Variants in CDH2 observed in about 807,000 individuals in gnomAD.
CDH2 encodes cadherin 2, also known as cadherin-2.
In CDH2, 17 loss-of-function variants were observed where a neutral mutation model predicts 92.0. That is an observed-to-expected ratio of 0.18 (90% CI 0.13 to 0.28). The LOEUF is 0.28. Ranked by LOEUF, CDH2 falls within the 10% of genes least tolerant of loss-of-function variation. CDH2 has a pLI of 1.00. For missense variants in CDH2, 862 were observed against 1,133.1 expected, an observed-to-expected ratio of 0.76 and a Z score of 3.44; for synonymous variants, 419 against 415.9, an observed-to-expected ratio of 1.01 and a Z score of -0.09.
At chr18:27,937,137 C>G (rs1282168801) in intron 6 of CDH2, among the ~76,000 whole-genome samples, 6 of 152,074 alleles carry the variant, frequency 3.9e-5, no homozygotes, top group Admixed American at 3.9e-4. Context: ...GTGGGGTCAA[C>G]TTTCAAATAC....
chr18:28,035,957 ATTAGG>A (rs1875606719), intron 2 of CDH2, among the ~76,000 whole-genome samples: 1 of 152,158 alleles, frequency 6.6e-6, no homozygotes, highest in South Asian at 2.1e-4. Flanking sequence ...GATTAGGGAA[ATTAGG>A]TTAAGAAATT....
chr18:28,174,828 AAAGT>A, intron 1 of CDH2, among the ~76,000 whole-genome samples: 1 of 152,194 alleles, frequency 6.6e-6, no homozygotes, highest in African/African-American at 2.4e-5. Context: ...TTTAGATGAA[AAAGT>A]TTGTGAAAAT....
rs954661950 is a variant in CDH2 at position 27,963,248 on chromosome 18, T to C, written c.2514+109A>G. 5.7e-6 allele frequency: 5 copies of C among 876,780 alleles called. No homozygotes were observed. In the East Asian group the frequency reaches 1.3e-4, roughly 23 times the overall value. The allele number at this position is 876,780 out of a possible 1,614,324, so 54.3% of individuals were successfully genotyped here. ...AAGATGAACTTCAGAAACACAAGTA[T>C]GTTTTAGTGAACTATATAGCTGTAT... On this transcript the variant is annotated intron_variant, in intron 15 of 15. Transcript: ENST00000269141.
intron 2 of CDH2, among the ~76,000 whole-genome samples, chr18:28,121,359 A>AT (rs1302244071): frequency 1.3e-5 from 2 of 151,984 alleles, no homozygotes; most frequent in East Asian, 1.9e-4. Flanking sequence ...ATTATGTCTC[A>AT]TTTTTCTTGG....
At chr18:28,068,618 T>C (rs917506021) in intron 2 of CDH2, among the ~76,000 whole-genome samples, 4 of 152,216 alleles carry the variant, frequency 2.6e-5, no homozygotes, top group African/African-American at 9.6e-5. Context: ...CAAAAGAGCT[T>C]CACTGAGCCT....
chr18:27,990,187 A>G lies in CDH2; in HGVS notation c.1508T>C (p.Ile503Thr), dbSNP rs2012368133. The change falls in exon 10 of 16, where the codon ATC becomes ACC. Residue 503 changes from isoleucine (I) to threonine (T), a missense_variant. Around this residue, in one of 5 missense-constraint regions of CDH2, gnomAD observed 564 missense variants for 722.2 expected, o/e 0.78. Transcript: ENST00000269141. ...ATGAAGCCCTTCTTCTTGGCGAATG[A>G]TCTTAGGATTGGGGGCAAAATAAGG... Reference protein sequence around the residue: ...ENPYFAPNPKIIRQEEGLHAG... With the variant: ...ENPYFAPNPKTIRQEEGLHAG... 1 of 1,613,980 alleles carries G rather than the reference A, an allele frequency of 6.2e-7. No individual in the cohort carries two copies. Among genetic ancestry groups the G allele is most frequent in the African/African-American group, 1.3e-5 (1 of 74,896 alleles).
At position 27,937,890 on chromosome 18, in the gene CDH2, AT is replaced by A. The variant is rs528277577; in HGVS notation, c.1152-4767del. On this transcript the variant is annotated intron_variant, in intron 6 of 6. Coordinates refer to the CDH2 transcript ENST00000675173. ...TATTTAATTTTGAAAACACCAAAAT[AT>A]TTTTTTAACTTCTTTAAAAATATAG... 1.6e-3 allele frequency among the ~76,000 whole-genome samples: 244 copies of A among 152,296 alleles called. 1 individual carries two copies. Among genetic ancestry groups the A allele is most frequent in the African/African-American group, 5.4e-3 (225 of 41,568 alleles).
In CDH2 at chr18:27,988,684, A is replaced by C; in HGVS notation, c.1599-18T>G. 6.4e-7 allele frequency: 1 copy of C among 1,564,494 alleles called. No individual in the cohort carries two copies. Among genetic ancestry groups the C allele is most frequent in the Non-Finnish European group, 8.8e-7 (1 of 1,141,188 alleles). The stretch of plus-strand genomic sequence containing the variant: ...TAGTGTATCTACAAAATGAAAGTGA[A>C]GTTTAATTTCTTTTTATGAAACTTT... On this transcript the variant is annotated intron_variant, in intron 10 of 15. Transcript: ENST00000269141.
At chr18:28,043,163 C>A (rs980098424) in intron 2 of CDH2, among the ~76,000 whole-genome samples, 6 of 151,954 alleles carry the variant, frequency 3.9e-5, no homozygotes, top group South Asian at 2.1e-4. Flanking sequence ...TTGGATGGAG[C>A]TGGAGGCCAT....
At chr18:28,052,386 G>T (rs1001190091) in intron 2 of CDH2, among the ~76,000 whole-genome samples, 6 of 152,190 alleles carry the variant, frequency 3.9e-5, no homozygotes, top group African/African-American at 1.4e-4. Flanking sequence ...AACAGCAAAT[G>T]AAAAAATAAA....
intron 5 of CDH2, 63 bp from the exon 6 acceptor site, chr18:28,006,056 C>T: frequency 2.4e-6 from 3 of 1,248,928 alleles, no homozygotes; most frequent in Non-Finnish European, 2.3e-6. Context: ...ATAAATACAT[C>T]ATCATAAGGC....
intron 14 of CDH2, among the ~76,000 whole-genome samples, chr18:27,971,292 T>C (rs1271682564): frequency 1.3e-5 from 2 of 151,418 alleles, no homozygotes; most frequent in Admixed American, 1.3e-4. Context: ...GCCTATAGCA[T>C]TTTTGCATGT....
chr18:28,005,771 C>A, intron 6 of CDH2, 78 bp downstream of exon 6: 2 of 914,854 alleles, frequency 2.2e-6, no homozygotes, highest in Non-Finnish European at 3.2e-6. Context: ...ATGATTTCTC[C>A]ATTTCTTGCT....
At chr18:28,068,591 T>A (rs748728705) in intron 2 of CDH2, among the ~76,000 whole-genome samples, 2 of 152,206 alleles carry the variant, frequency 1.3e-5, no homozygotes, top group South Asian at 4.1e-4. Context: ...AAGTGGAAGA[T>A]GTATTAACAG....
chr18:28,148,863 A>G (rs2016078555), intron 1 of CDH2, among the ~76,000 whole-genome samples: 1 of 152,196 alleles, frequency 6.6e-6, no homozygotes, highest in Non-Finnish European at 1.5e-5. Context: ...GCAAATACTA[A>G]TGTTGCAAAA....
rs17498649 is a variant in CDH2, at chr18:28,123,461, C to A, written c.172+24212G>T. Among the ~76,000 whole-genome samples the A allele has an allele frequency of 5.6e-4, 85 of 152,268 alleles. No homozygotes were observed. In the East Asian group the frequency reaches 0.016, roughly 28 times the overall value. Reference sequence around the variant, plus strand: ...ACTGAAGCATTATTTTGCTAATACTCAATTTTCCTTTCTTGAATCAAATGA... The same window carrying A: ...ACTGAAGCATTATTTTGCTAATACTAAATTTTCCTTTCTTGAATCAAATGA... On this transcript the variant is annotated intron_variant, in intron 2 of 15. Coordinates refer to ENST00000269141, the MANE Select transcript of CDH2 (RefSeq NM_001792.5).
chr18:28,176,888 G>T lies in CDH2; in HGVS notation c.60+75C>A, dbSNP rs1020497754. 8 of 846,768 alleles carry T rather than the reference G, an allele frequency of 9.4e-6. No homozygotes were observed. The East Asian group carries it at 4.2e-4, about 45-fold the overall frequency. 52.5% of individuals were successfully genotyped at this position (846,768 alleles called of 1,614,324 possible). A position where few individuals can be genotyped will look rare whatever the true frequency, so the allele number is the denominator to read the frequency against. On this transcript the variant is annotated intron_variant, in intron 1 of 15. Transcript: ENST00000269141. The stretch of plus-strand genomic sequence containing the variant: ...GGGTGCGCAGCCCGGCCCCGCAGCG[G>T]CGCGGGGAACAAAGGGACCCGGCGC...
At chr18:28,131,434 C>T (rs1268515543) in intron 2 of CDH2, among the ~76,000 whole-genome samples, 1 of 152,122 alleles carries the variant, frequency 6.6e-6, no homozygotes, top group Non-Finnish European at 1.5e-5. Context: ...CACCACCTTC[C>T]CTCACATCTG....
At chr18:28,099,628 G>A (rs2015194615) in intron 2 of CDH2, among the ~76,000 whole-genome samples, 1 of 151,882 alleles carries the variant, frequency 6.6e-6, no homozygotes, top group Non-Finnish European at 1.5e-5. Context: ...AAACCCAAAA[G>A]GAGTTAGGGA....
Sources: gnomAD v4.1 joint callset for allele counts (sites outside exome capture counted in the v4.1 genomes callset) on GRCh38, gnomAD v4.1.1 for gene constraint, gnomAD v4.1.1 regional missense constraint, MANE v1.5 for transcripts, NCBI Gene and HGNC (gene_info 2026-07-23, HGNC 2026-07-21) for gene names.